USP46: variants seen among roughly 807,000 people sequenced by gnomAD.
USP46 encodes ubiquitin carboxyl-terminal hydrolase 46.
USP46 carries 12 observed loss-of-function variants against 44.4 expected under a neutral mutation model. The observed-to-expected ratio is 0.27, with a 90% CI of 0.17 to 0.44. The LOEUF is 0.44. Among genes scored for constraint, USP46 ranks in the 20% least tolerant of loss-of-function variants. USP46 has a pLI of 1.00. For synonymous variants in USP46, 155 were observed against 161.5 expected (o/e 0.96, Z 0.31); for missense variants, 248 against 444.8 (o/e 0.56, Z 3.98).
intron 4 of USP46, among the ~76,000 whole-genome samples, chr4:52,624,478 G>A (rs141203535): frequency 1.6e-4 from 25 of 152,200 alleles, no homozygotes; most frequent in African/African-American, 5.8e-4. Flanking sequence ...GTCTCTTTTT[G>A]TTTAGCTGTG....
intron 8 of USP46, 57 bp downstream of exon 8, chr4:52,598,571 A>C (rs916188044): frequency 2.7e-6 from 4 of 1,503,042 alleles, no homozygotes; most frequent in Non-Finnish European, 3.6e-6. Context: ...ATACATACAC[A>C]TTCTCCGAAA....
At chr4:52,656,227 G>A in intron 1 of USP46, 1 of 1,491,444 alleles carries the variant, frequency 6.7e-7, no homozygotes, top group Non-Finnish European at 9.1e-7. Context: ...CCAAAGTTAG[G>A]AGCGGGAAGG....
At chr4:52,625,054 T>C (rs1442197812) in intron 4 of USP46, among the ~76,000 whole-genome samples, 1 of 152,150 alleles carries the variant, frequency 6.6e-6, no homozygotes, top group African/African-American at 2.4e-5. Flanking sequence ...TCCAGAAAAA[T>C]GCACAATCTT....
In USP46 at chr4:52,592,736, G is replaced by A; in HGVS notation, c.*4904C>T. ...TGCCTGTAGTCCCAGCTACTTGGGA[G>A]GCTGAGGCAGAAGAATCGCTTGAAC... On this transcript the variant is annotated 3_prime_UTR_variant, in exon 9 of 9. Transcript: ENST00000441222. The A allele has an allele frequency of 5.0e-6, 2 of 396,338 alleles. No homozygotes were observed. The highest frequency in any genetic ancestry group is 8.9e-6 in the Non-Finnish European group (2 of 225,168). 24.6% of individuals were successfully genotyped at this position (396,338 alleles called of 1,614,324 possible).
rs1426256354 is a variant in USP46 at position 52,595,841 on chromosome 4, T to C, written c.*1799A>G. ...ATTTCCCTACATCAATCACCTTCAG[T>C]TGGAAAGTGCCTCTCCTTAAAAAGA... On this transcript the variant is annotated 3_prime_UTR_variant, in exon 9 of 9. Coordinates refer to ENST00000441222, the MANE Select transcript of USP46 (RefSeq NM_022832.4). 2 of 152,360 alleles carry C rather than the reference T, an allele frequency of 1.3e-5. No homozygotes were observed. The highest frequency in any genetic ancestry group is 3.8e-4 in the East Asian group (2 of 5,198). The allele number at this position is 152,360 out of a possible 1,614,324, so 9.4% of individuals were successfully genotyped here.
chr4:52,654,013 G>T (rs1718864882), intron 1 of USP46, among the ~76,000 whole-genome samples: 1 of 152,072 alleles, frequency 6.6e-6, no homozygotes, highest in Non-Finnish European at 1.5e-5. Context: ...TACAGAAAAG[G>T]TATCATAATC....
rs199736686 is a variant in USP46, at chr4:52,628,381, CT to C, written c.118-219del. 1,626 of 509,230 alleles carry C rather than the reference CT, an allele frequency of 3.2e-3. 21 individuals are homozygous for C. Among genetic ancestry groups the C allele is most frequent in the African/African-American group, 0.028 (1,454 of 52,850 alleles). The allele number at this position is 509,230 out of a possible 1,614,324, so 31.5% of individuals were successfully genotyped here. ...AAGAAAAATGCACATCATTCCGGTG[CT>C]TCTCTAGCCCATCAAAGTCTCTAAA... is the stretch of plus-strand genomic sequence containing the variant. On this transcript the variant is annotated intron_variant, in intron 2 of 8. Transcript: ENST00000441222.
At chr4:52,646,556 T>C (rs931494559) in intron 1 of USP46, among the ~76,000 whole-genome samples, 5 of 152,188 alleles carry the variant, frequency 3.3e-5, no homozygotes, top group Admixed American at 3.3e-4. Context: ...TTTGTATCTG[T>C]CAAGTTTAGT....
At chr4:52,632,981 A>AAAGAAAGAAAGAAAGAAAGG (rs1717942993) in intron 1 of USP46, among the ~76,000 whole-genome samples, 1 of 63,394 alleles carries the variant, frequency 1.6e-5, no homozygotes, top group Non-Finnish European at 3.1e-5. Flanking sequence ...AGAAAGAAAG[A>AAAGAAAGAAAGAAAGAAAGG]AAGAAAAGAA....
Position 52,596,284 on chromosome 4 carries a change from G to A in USP46, c.*1356C>T, listed in dbSNP as rs1716236094. 6.6e-6 allele frequency: 1 copy of A among 152,624 alleles called. No individual in the cohort carries two copies. The highest frequency in any genetic ancestry group is 2.1e-4 in the South Asian group (1 of 4,834). 9.5% of individuals were successfully genotyped at this position (152,624 alleles called of 1,614,324 possible). A position where few individuals can be genotyped will look rare whatever the true frequency, so the allele number is the denominator to read the frequency against. On this transcript the variant is annotated 3_prime_UTR_variant, in exon 9 of 9. Transcript: ENST00000441222. ...AAATATGTTCACAGTTTATTATAGT[G>A]TATGGAAGTTAAGTGGCTTCTAAAG...
intron 1 of USP46, among the ~76,000 whole-genome samples, chr4:52,632,064 G>C (rs1317450377): frequency 6.6e-6 from 1 of 151,744 alleles, no homozygotes; most frequent in Non-Finnish European, 1.5e-5. Flanking sequence ...GGGAAGAAGG[G>C]GAAAGAGAGG....
Position 52,642,934 on chromosome 4 carries a change from G to T in USP46, c.37-11790C>A, listed in dbSNP as rs546978955. Among the ~76,000 whole-genome samples the T allele has an allele frequency of 7.2e-5, 11 of 152,196 alleles. No homozygotes were observed. In the South Asian group the frequency reaches 2.3e-3, roughly 32 times the overall value. Reference sequence around the variant, plus strand: ...AATATAACAAAAACAATGGAAAAGGGAGAGAAAGAAAGTGCATATGCAGAA... The same window carrying T: ...AATATAACAAAAACAATGGAAAAGGTAGAGAAAGAAAGTGCATATGCAGAA... On this transcript the variant is annotated intron_variant, in intron 1 of 8. Coordinates refer to ENST00000441222, the MANE Select transcript of USP46 (RefSeq NM_022832.4).
chr4:52,601,423 A>G lies in USP46; in HGVS notation c.920+434T>C, dbSNP rs77220436. On this transcript the variant is annotated intron_variant, in intron 7 of 8. Coordinates refer to ENST00000441222, the MANE Select transcript of USP46 (RefSeq NM_022832.4). The stretch of plus-strand genomic sequence containing the variant: ...ATAACAAAGAATATTTTTTAAGAAT[A>G]TATTTTTAATCACTCAAAGTGCCAA... 6.3e-3 allele frequency among the ~76,000 whole-genome samples: 957 copies of G among 152,326 alleles called. 6 individuals are homozygous for G. Among genetic ancestry groups the G allele is most frequent in the African/African-American group, 0.02 (819 of 41,564 alleles).
At chr4:52,658,724 T>C (rs1273739519) in intron 1 of USP46, among the ~76,000 whole-genome samples, 1 of 152,158 alleles carries the variant, frequency 6.6e-6, no homozygotes, top group African/African-American at 2.4e-5. Flanking sequence ...GGACGTCCAA[T>C]AAGGCTGTCT....
rs1716266115 is a variant in USP46, at chr4:52,596,899, T to G, written c.*741A>C. ...CAACATAGAGTTATTTTCCTGAAAC[T>G]TGGTTTTGGTAGAAAGGTACGAAAA... On this transcript the variant is annotated 3_prime_UTR_variant, in exon 9 of 9. Coordinates refer to ENST00000441222, the MANE Select transcript of USP46 (RefSeq NM_022832.4). The G allele has an allele frequency of 6.6e-6, 1 of 152,638 alleles. No individual in the cohort carries two copies. The allele number at this position is 152,638 out of a possible 1,614,324, so 9.5% of individuals were successfully genotyped here.
At chr4:52,598,598 T>C in intron 8 of USP46, 30 bp downstream of exon 8, 27 of 1,587,180 alleles carry the variant, frequency 1.7e-5, no homozygotes, top group Non-Finnish European at 2.2e-5. Context: ...TGATGCTCTA[T>C]GACTACTGGA....
chr4:52,620,534 A>C (rs1319515712), intron 4 of USP46, among the ~76,000 whole-genome samples: 2 of 152,216 alleles, frequency 1.3e-5, no homozygotes, highest in African/African-American at 4.8e-5. Flanking sequence ...TCAGGCTTTT[A>C]CATAGCAAAT....
At chr4:52,604,134 G>A (rs772049809) in intron 6 of USP46, among the ~76,000 whole-genome samples, 25 of 152,164 alleles carry the variant, frequency 1.6e-4, no homozygotes, top group Admixed American at 6.5e-4. Flanking sequence ...TCTACTATGT[G>A]TTATATACTC....
chr4:52,604,442 C>A lies in USP46; in HGVS notation c.722+59G>T, dbSNP rs375539696. 1.1e-4 allele frequency: 158 copies of A among 1,428,556 alleles called. No homozygotes were observed. In the African/African-American group the frequency reaches 2.0e-3, roughly 18 times the overall value. 88.5% of individuals were successfully genotyped at this position (1,428,556 alleles called of 1,614,324 possible). A position where few individuals can be genotyped will look rare whatever the true frequency, so the allele number is the denominator to read the frequency against. ...TGATTCAAAGCCAACCCTGCTGGGC[C>A]CCACAGTCGGGATCCTTCTCACCAC... On this transcript the variant is annotated intron_variant, in intron 6 of 8. Coordinates refer to ENST00000441222, the MANE Select transcript of USP46 (RefSeq NM_022832.4).
Sources: gnomAD v4.1 joint callset for allele counts (sites outside exome capture counted in the v4.1 genomes callset) on GRCh38, gnomAD v4.1.1 for gene constraint, MANE v1.5 for transcripts, NCBI Gene and HGNC (gene_info 2026-07-23, HGNC 2026-07-21) for gene names.